The following ZC3H7A variants were observed in gnomAD, a reference collection of about 807,000 sequenced individuals.
The protein encoded by ZC3H7A is zinc finger CCCH domain-containing protein 7A.
ZC3H7A carries 44 observed loss-of-function variants against 125.5 expected under a neutral mutation model. That is an observed-to-expected ratio of 0.35 (90% confidence interval 0.28 to 0.45). The LOEUF is 0.45. Ranked by LOEUF, ZC3H7A falls within the 20% of genes least tolerant of loss-of-function variation. ZC3H7A has a pLI of 1.00. For synonymous variants in ZC3H7A, 399 were observed against 391.2 expected, an observed-to-expected ratio of 1.02 and a Z score of -0.23; for missense variants, 977 against 1,170.7, an observed-to-expected ratio of 0.83 and a Z score of 2.41.
At chr16:11,774,841 A>C in intron 8 of ZC3H7A, 139 bp downstream of exon 8, 2 of 1,086,772 alleles carry the variant, frequency 1.8e-6, no homozygotes, top group Non-Finnish European at 2.6e-6. Context: ...GAGCATTGGA[A>C]ATCATTTTCA....
chr16:11,774,882 AC>A lies in ZC3H7A; in HGVS notation c.619+97del, dbSNP rs1174137604. Reference sequence around the variant, plus strand: ...ATATTAATACATTAATATGAATATAACCACACAGCGATATTATTTGACAATA... The same window carrying A: ...ATATTAATACATTAATATGAATATAACACACAGCGATATTATTTGACAATA... On this transcript the variant is annotated intron_variant, in intron 8 of 22. Transcript: ENST00000355758. The A allele has an allele frequency of 4.4e-5, 59 of 1,350,720 alleles. No individual in the cohort carries two copies. In the African/African-American group the frequency reaches 6.4e-4, roughly 15 times the overall value. The allele number at this position is 1,350,720 out of a possible 1,614,324, so 83.7% of individuals were successfully genotyped here. A position where few individuals can be genotyped will look rare whatever the true frequency, so the allele number is the denominator to read the frequency against.
At chr16:11,790,506 T>C (rs1052857418) in intron 1 of ZC3H7A, among the ~76,000 whole-genome samples, 1 of 152,144 alleles carries the variant, frequency 6.6e-6, no homozygotes, top group East Asian at 1.9e-4. Flanking sequence ...TTGACTTTGG[T>C]TATTTTTGAC....
intron 17 of ZC3H7A, 136 bp from the exon 18 acceptor site, chr16:11,762,179 A>G (rs1415414774): frequency 2.3e-6 from 2 of 865,058 alleles, no homozygotes; most frequent in Non-Finnish European, 1.7e-6. Flanking sequence ...TTTGACCATT[A>G]TATCTGATAA....
At chr16:11,779,393 C>T in intron 3 of ZC3H7A, 30 bp from the exon 4 acceptor site, 1 of 1,588,994 alleles carries the variant, frequency 6.3e-7, no homozygotes. Context: ...CACTTGAAGC[C>T]TTTTATCAAA....
intron 7 of ZC3H7A, among the ~76,000 whole-genome samples, 191 bp from the exon 8 acceptor site, chr16:11,775,204 C>G (rs527994634): frequency 6.6e-6 from 1 of 152,044 alleles, no homozygotes; most frequent in East Asian, 1.9e-4. Context: ...AACCCTGTCT[C>G]TACTAAAAAT....
intron 9 of ZC3H7A, among the ~76,000 whole-genome samples, chr16:11,773,799 T>C (rs1049629321): frequency 1.3e-5 from 2 of 149,766 alleles, no homozygotes; most frequent in Non-Finnish European, 2.9e-5. Context: ...AGGAGAATGG[T>C]GTGAACCCGG....
At chr16:11,770,574 C>T (rs1420034510) in intron 10 of ZC3H7A, among the ~76,000 whole-genome samples, 1 of 152,230 alleles carries the variant, frequency 6.6e-6, no homozygotes, top group Non-Finnish European at 1.5e-5. Flanking sequence ...ACACACATTT[C>T]TCTTCTCATG....
intron 21 of ZC3H7A, among the ~76,000 whole-genome samples, chr16:11,754,362 T>C (rs538770648): frequency 7.2e-6 from 1 of 138,376 alleles, no homozygotes; most frequent in Non-Finnish European, 1.6e-5. Flanking sequence ...CAAGGAGCAC[T>C]TAAGTAAAGG....
chr16:11,779,354 G>A lies in ZC3H7A; in HGVS notation c.118C>T (p.Arg40Cys), dbSNP rs766965678. The A allele has an allele frequency of 3.7e-5, 59 of 1,609,192 alleles. No individual in the cohort carries two copies. The highest frequency in any genetic ancestry group is 4.7e-5 in the Non-Finnish European group (55 of 1,178,820). ...GTQEQYAVYL[R>C]ALVRNLFNEG... The stretch of plus-strand genomic sequence containing the variant: ...TTAAAAAGATTTCTCACGAGAGCAC[G>A]CAAATATACCTAAAAAAAAGAAAGT... Residue 40 changes from arginine to cysteine, a missense_variant, in exon 4 of 23, where the codon CGT becomes TGT. Physicochemically the swap from Arg to Cys is radical, Grantham distance 180. Around this residue, in one of 3 missense-constraint regions of ZC3H7A, gnomAD observed 199 missense variants for 256.1 expected, o/e 0.78. Coordinates refer to ENST00000355758, the MANE Select transcript of ZC3H7A (RefSeq NM_014153.4).
At chr16:11,764,310 A>G (rs1470747900) in intron 15 of ZC3H7A, among the ~76,000 whole-genome samples, 2 of 152,108 alleles carry the variant, frequency 1.3e-5, no homozygotes, top group South Asian at 2.1e-4. Flanking sequence ...GCACTTTGGG[A>G]GGCCAAGGCG....
At chr16:11,782,878 G>C (rs1157110437) in intron 1 of ZC3H7A, 5 of 155,126 alleles carry the variant, frequency 3.2e-5, no homozygotes, top group African/African-American at 4.8e-5. Flanking sequence ...GCCTCCCAAA[G>C]TGTGGGATTA....
In ZC3H7A at chr16:11,751,030, C is replaced by T. The variant is rs1021794965; in HGVS notation, c.*287G>A. 6.8e-5 allele frequency: 17 copies of T among 251,272 alleles called. No individual in the cohort carries two copies. Among genetic ancestry groups the T allele is most frequent in the African/African-American group, 3.6e-4 (16 of 44,822 alleles). The allele number at this position is 251,272 out of a possible 1,614,324, so 15.6% of individuals were successfully genotyped here. ...TGAAGGACCAACTCAAAGAGTTGTC[C>T]TAGATATAACCTTATCCTCTTCCCC... On this transcript the variant is annotated 3_prime_UTR_variant, in exon 23 of 23. Coordinates refer to ENST00000355758, the MANE Select transcript of ZC3H7A (RefSeq NM_014153.4).
At chr16:11,762,096 T>C (rs2052762226) in intron 17 of ZC3H7A, 53 bp from the exon 18 acceptor site, 5 of 1,505,292 alleles carry the variant, frequency 3.3e-6, no homozygotes, top group Middle Eastern at 2.0e-4. Flanking sequence ...ACCAGTTTTC[T>C]GATGACAAAA....
At chr16:11,776,141 AC>A (rs1320649637) in intron 7 of ZC3H7A, among the ~76,000 whole-genome samples, 178 bp downstream of exon 7, 37 of 152,340 alleles carry the variant, frequency 2.4e-4, no homozygotes, top group African/African-American at 7.2e-4. Context: ...AGCCTGGGCA[AC>A]AGAACAAGAC....
chr16:11,760,822 G>A (rs912717216), intron 19 of ZC3H7A, among the ~76,000 whole-genome samples: 1 of 152,206 alleles, frequency 6.6e-6, no homozygotes, highest in African/African-American at 2.4e-5. Context: ...GTGCTACAGT[G>A]TACCAAGATG....
chr16:11,765,174 T>A lies in ZC3H7A; in HGVS notation c.1720-21A>T. On this transcript the variant is annotated intron_variant, in intron 14 of 22. Transcript: ENST00000355758. This position sits in a 1 kb window ranked among gnomAD's most constrained non-coding sequence, Gnocchi z 4.8. ...CATTTCTGGAATAGAGAGAGAAAGA[T>A]TATCAAAAAAAATACAAAATATAAA... 7.0e-7 allele frequency: 1 copy of A among 1,421,686 alleles called. No homozygotes were observed. 88.1% of individuals were successfully genotyped at this position (1,421,686 alleles called of 1,614,324 possible). A position where few individuals can be genotyped will look rare whatever the true frequency, so the allele number is the denominator to read the frequency against.
At chr16:11,788,605 TTTTTTTC>T (rs2053297894) in intron 1 of ZC3H7A, among the ~76,000 whole-genome samples, 3 of 151,638 alleles carry the variant, frequency 2.0e-5, no homozygotes, top group South Asian at 4.2e-4. Flanking sequence ...ATTGCTTTCT[TTTTTTTC>T]TTTCTTTTTT....
chr16:11,765,261 G>T lies in ZC3H7A; in HGVS notation c.1720-108C>A. The T allele has an allele frequency of 1.3e-6, 1 of 769,100 alleles. No individual in the cohort carries two copies. The highest frequency in any genetic ancestry group is 1.9e-6 in the Non-Finnish European group (1 of 518,420). 47.6% of individuals were successfully genotyped at this position (769,100 alleles called of 1,614,324 possible). ...TTACAAAATTAATATTCAATATGAA[G>T]TTTTAATATTCTTTTTGGTAACAGT... On this transcript the variant is annotated intron_variant, in intron 14 of 22. Transcript: ENST00000355758. This position sits in a 1 kb window ranked among gnomAD's most constrained non-coding sequence, Gnocchi z 4.8.
At chr16:11,756,154 T>C (rs142809665) in intron 21 of ZC3H7A, 83 bp downstream of exon 21, 20,438 of 1,534,808 alleles carry the variant, frequency 0.013, 174 homozygotes, top group Middle Eastern at 0.018. Flanking sequence ...ACAACGAGAC[T>C]CCATCTCAAA....
Sources: allele counts gnomAD v4.1 joint callset (sites outside exome capture counted in the v4.1 genomes callset), GRCh38; gene constraint gnomAD v4.1.1; regional missense constraint gnomAD v4.1.1; non-coding constraint Gnocchi (gnomAD v3.1); transcripts MANE v1.5; gene names NCBI Gene and HGNC (gene_info 2026-07-23, HGNC 2026-07-21).